HDAC9: variants seen among roughly 807,000 people sequenced by gnomAD.
HDAC9 encodes the protein MEF-2 interacting transcription repressor (MITR) protein.
In HDAC9, 41 loss-of-function variants were observed where a neutral mutation model predicts 139.4. That is an observed-to-expected ratio of 0.29 (90% CI 0.23 to 0.38). HDAC9 has a LOEUF of 0.38. Ranked by LOEUF, HDAC9 falls within the 10% of genes least tolerant of loss-of-function variation. The pLI is 1.00. For synonymous variants in HDAC9, 517 were observed against 476.2 expected, an observed-to-expected ratio of 1.09 and a Z score of -1.12; for missense variants, 1,147 against 1,297.0, an observed-to-expected ratio of 0.88 and a Z score of 1.78.
chr7:18,844,170 C>G (rs1283881404), intron 21 of HDAC9, among the ~76,000 whole-genome samples: 5 of 152,144 alleles, frequency 3.3e-5, no homozygotes, highest in Non-Finnish European at 4.4e-5. Context: ...GTTCTTGTAT[C>G]CATTAGGAAT....
intron 1 of HDAC9, among the ~76,000 whole-genome samples, chr7:18,305,563 C>T (rs1418017033): frequency 6.6e-6 from 1 of 152,040 alleles, no homozygotes; most frequent in Non-Finnish European, 1.5e-5. Context: ...TAACTCAAAG[C>T]TAAATAAAGC....
intron 24 of HDAC9, among the ~76,000 whole-genome samples, chr7:18,960,045 G>C (rs1259573800): frequency 1.8e-5 from 2 of 110,914 alleles, no homozygotes; most frequent in Non-Finnish European, 3.9e-5. Flanking sequence ...CACACACAGA[G>C]TATTATTTAG....
chr7:18,619,811 A>C (rs954781649), intron 6 of HDAC9, among the ~76,000 whole-genome samples: 1 of 152,046 alleles, frequency 6.6e-6, no homozygotes, highest in Non-Finnish European at 1.5e-5. Flanking sequence ...CATTCTTTGA[A>C]TGTGTGGGCT....
At chr7:18,536,502 G>A (rs1472429202) in intron 2 of HDAC9, among the ~76,000 whole-genome samples, 2 of 152,112 alleles carry the variant, frequency 1.3e-5, no homozygotes, top group South Asian at 2.1e-4. Context: ...TTAATTTTCA[G>A]GATGACCCAC....
intron 23 of HDAC9, among the ~76,000 whole-genome samples, chr7:18,951,925 A>T (rs1301023784): frequency 6.6e-6 from 1 of 151,916 alleles, no homozygotes; most frequent in East Asian, 1.9e-4. Context: ...TTAATTTTAT[A>T]AAAACAGACT....
chr7:18,836,104 C>A (rs556204569), intron 21 of HDAC9, 107 bp downstream of exon 21: 2 of 614,268 alleles, frequency 3.3e-6, no homozygotes, highest in Non-Finnish European at 5.6e-6. Flanking sequence ...GGTAAATTAT[C>A]GCTCAAAGCC....
intron 1 of HDAC9, among the ~76,000 whole-genome samples, chr7:18,468,905 A>G (rs560438838): frequency 6.6e-6 from 1 of 152,338 alleles, no homozygotes; most frequent in South Asian, 2.1e-4. Flanking sequence ...AAATCAATTT[A>G]AAAGATAAAT....
chr7:18,473,074 T>G (rs1448372662), intron 1 of HDAC9, among the ~76,000 whole-genome samples: 1 of 152,250 alleles, frequency 6.6e-6, no homozygotes, highest in Admixed American at 6.5e-5. Context: ...TTTTTCAGAC[T>G]GTGGGGAGCT....
chr7:18,338,342 G>A (rs889689132), intron 1 of HDAC9, among the ~76,000 whole-genome samples: 6 of 151,528 alleles, frequency 4.0e-5, no homozygotes, highest in Admixed American at 6.6e-5. Flanking sequence ...ACAACAATAC[G>A]GATATAATCT....
rs1817370766 is a variant in HDAC9, at chr7:18,552,188, T to A, written c.23-33093T>A. Among the ~76,000 whole-genome samples the A allele has an allele frequency of 2.0e-5, 3 of 152,196 alleles. No homozygotes were observed. The South Asian group carries it at 6.2e-4, about 31-fold the overall frequency. On this transcript the variant is annotated intron_variant, in intron 2 of 25. Transcript: ENST00000686413. ...CATATATTTTATCAAGAATGTCAAG[T>A]ATTTTTACATTAGGTTTATGTAGGT... is the stretch of plus-strand genomic sequence containing the variant.
At chr7:18,958,177 G>A (rs1783290694) in intron 24 of HDAC9, among the ~76,000 whole-genome samples, 1 of 152,096 alleles carries the variant, frequency 6.6e-6, no homozygotes, top group Non-Finnish European at 1.5e-5. Context: ...GCCACAGAAG[G>A]GCAATGATTT....
intron 17 of HDAC9, among the ~76,000 whole-genome samples, chr7:18,812,450 T>C (rs975470076): frequency 1.3e-5 from 2 of 152,030 alleles, no homozygotes; most frequent in Non-Finnish European, 2.9e-5. Context: ...TATCATTTGA[T>C]ATATAAAACT....
chr7:18,632,303 C>G (rs898511736), intron 7 of HDAC9, among the ~76,000 whole-genome samples: 3 of 151,982 alleles, frequency 2.0e-5, no homozygotes, highest in South Asian at 4.1e-4. Flanking sequence ...TTGCTCAAAT[C>G]CCACAGTAAA....
chr7:18,478,942 C>A (rs1166194100), intron 1 of HDAC9, among the ~76,000 whole-genome samples: 1 of 152,008 alleles, frequency 6.6e-6, no homozygotes, highest in East Asian at 1.9e-4. Context: ...CATCACTTGC[C>A]TATTTTCTTT....
intron 1 of HDAC9, among the ~76,000 whole-genome samples, chr7:18,462,708 T>C (rs572429511): frequency 4.6e-5 from 7 of 152,182 alleles, no homozygotes; most frequent in African/African-American, 1.7e-4. Flanking sequence ...TTTATAACTT[T>C]AGTTTGTTGA....
intron 1 of HDAC9, among the ~76,000 whole-genome samples, chr7:18,451,387 GTGTGTGTGTGTGTGTA>G (rs1180351647): frequency 7.2e-6 from 1 of 138,640 alleles, no homozygotes; most frequent in African/African-American, 2.6e-5. Flanking sequence ...GTGTGTGTGT[GTGTGTGTGTGTGTGTA>G]TATATGTGTG....
chr7:18,261,773 A>G (rs564415190), intron 2 of HDAC9, among the ~76,000 whole-genome samples: 68 of 152,336 alleles, frequency 4.5e-4, no homozygotes, highest in African/African-American at 1.5e-3. Flanking sequence ...GTGAAGTAAA[A>G]GGCATATTCC....
chr7:18,773,364 T>TACACACAC (rs4043674), intron 16 of HDAC9, among the ~76,000 whole-genome samples: 8 of 142,840 alleles, frequency 5.6e-5, no homozygotes, highest in African/African-American at 1.3e-4. Context: ...AAAAACTGTA[T>TACACACAC]ACACACACAC....
At position 18,835,708 on chromosome 7, in the gene HDAC9, G is replaced by A. The variant is rs529293128; in HGVS notation, c.2586+122G>A. On this transcript the variant is annotated intron_variant, in intron 20 of 25. Transcript: ENST00000686413. ...TTAAATTACACGAGATTACTGAATT[G>A]TCCCATGGGACCAAGAACCAGTGCA... The A allele has an allele frequency of 1.9e-5, 26 of 1,361,976 alleles. No homozygotes were observed. In the African/African-American group the frequency reaches 3.0e-4, roughly 16 times the overall value. 84.4% of individuals were successfully genotyped at this position (1,361,976 alleles called of 1,614,324 possible).
Sources: gnomAD v4.1 joint callset for allele counts (sites outside exome capture counted in the v4.1 genomes callset) on GRCh38, gnomAD v4.1.1 for gene constraint, MANE v1.5 for transcripts, NCBI Gene and HGNC (gene_info 2026-07-23, HGNC 2026-07-21) for gene names.